Variants in KAZN observed in about 807,000 individuals in gnomAD.
KAZN encodes the protein kazrin, periplakin interacting protein, also known as kazrin.
A neutral mutation model predicts 87.4 loss-of-function variants in KAZN; 40 were observed. That is an observed-to-expected ratio of 0.46 (90% CI 0.36 to 0.60). The LOEUF (loss-of-function observed/expected upper bound fraction) is 0.60. KAZN is among the 20% of genes least tolerant of loss of function. The pLI is 0.00. For synonymous variants in KAZN, 466 were observed against 458.3 expected (o/e 1.02, Z -0.22); for missense variants, 898 against 1,073.9 (o/e 0.84, Z 2.29).
At chr1:14,423,764 A>G (rs1389603488) in intron 2 of KAZN, among the ~76,000 whole-genome samples, 3 of 152,226 alleles carry the variant, frequency 2.0e-5, no homozygotes, top group Non-Finnish European at 2.9e-5. Flanking sequence ...CACATGGACC[A>G]GTGACCCGGG....
intron 2 of KAZN, chr1:14,351,130 T>A (rs911861964): frequency 1.3e-5 from 2 of 152,248 alleles, no homozygotes; most frequent in Non-Finnish European, 2.9e-5. Flanking sequence ...CCTTTTCTTT[T>A]CCTGGCAGGT....
At chr1:15,047,171 G>C (rs1673647344) in intron 4 of KAZN, among the ~76,000 whole-genome samples, 2 of 152,224 alleles carry the variant, frequency 1.3e-5, no homozygotes, top group Non-Finnish European at 2.9e-5. Context: ...AGGGCTTGGA[G>C]GCAGAGAGAA....
chr1:14,445,111 C>T (rs1011770984), intron 2 of KAZN, among the ~76,000 whole-genome samples: 2 of 151,924 alleles, frequency 1.3e-5, no homozygotes, highest in Non-Finnish European at 2.9e-5. Context: ...CTACAACTTC[C>T]GCCTCCCGGG....
At chr1:14,975,891 G>T (rs938395961) in intron 2 of KAZN, among the ~76,000 whole-genome samples, 1 of 152,124 alleles carries the variant, frequency 6.6e-6, no homozygotes, top group Non-Finnish European at 1.5e-5. Context: ...AATTAACTGG[G>T]CGTAGTGGCG....
intron 2 of KAZN, among the ~76,000 whole-genome samples, chr1:15,000,296 G>A (rs1273015167): frequency 6.6e-6 from 1 of 151,836 alleles, no homozygotes; most frequent in African/African-American, 2.4e-5. Flanking sequence ...ATAGCCTCCG[G>A]TGGGAGCCTG....
intron 2 of KAZN, among the ~76,000 whole-genome samples, chr1:14,359,871 T>A (rs1158448800): frequency 1.3e-5 from 2 of 152,216 alleles, no homozygotes; most frequent in Non-Finnish European, 2.9e-5. Context: ...ACTTAACATT[T>A]TTTCCTTCAT....
In KAZN at chr1:14,563,248, A is replaced by C. The variant is rs904974344; in HGVS notation, c.250-35735A>C. Among the ~76,000 whole-genome samples the C allele has an allele frequency of 3.9e-5, 6 of 152,216 alleles. 1 individual carries two copies. The South Asian group carries it at 1.2e-3, about 32-fold the overall frequency. On this transcript the variant is annotated intron_variant, in intron 2 of 16. Transcript: ENST00000636203. ...TTTCTACCAAGTGCATTCAATCACC[A>C]GTAGCTCCTGGAGCTCTCCTTTGAC...
intron 2 of KAZN, chr1:14,222,945 A>C (rs1348405435): frequency 6.6e-6 from 1 of 152,182 alleles, no homozygotes; most frequent in Non-Finnish European, 1.5e-5. Flanking sequence ...CATCTTCATC[A>C]TCATTATTTT....
chr1:14,899,358 A>G (rs1309863667), intron 1 of KAZN, among the ~76,000 whole-genome samples: 3 of 152,184 alleles, frequency 2.0e-5, no homozygotes, highest in Non-Finnish European at 4.4e-5. Context: ...CTGACCTGAT[A>G]TAGGGTAAAA....
chr1:14,782,554 CAAAAAAAA>C (rs71572122), intron 1 of KAZN, among the ~76,000 whole-genome samples: 59 of 66,272 alleles, frequency 8.9e-4, no homozygotes, highest in African/African-American at 3.1e-3. Flanking sequence ...CCTCAAAGAG[CAAAAAAAA>C]AAAAAAAAAA....
At chr1:14,188,217 G>A (rs1398854411) in intron 2 of KAZN, among the ~76,000 whole-genome samples, 3 of 132,272 alleles carry the variant, frequency 2.3e-5, no homozygotes, top group Non-Finnish European at 5.0e-5. Flanking sequence ...GTGTGTGTGT[G>A]TGTGTGTGTG....
chr1:14,251,784 G>A (rs1650067410), intron 2 of KAZN, among the ~76,000 whole-genome samples: 1 of 151,328 alleles, frequency 6.6e-6, no homozygotes, highest in Admixed American at 6.6e-5. Context: ...GAGTAGCTGG[G>A]ACTACAGATG....
chr1:14,954,587 G>A lies in KAZN; in HGVS notation c.227-6097G>A, dbSNP rs144224390. Among the ~76,000 whole-genome samples the A allele has an allele frequency of 4.7e-3, 718 of 152,318 alleles. 5 individuals are homozygous for A. The highest frequency in any genetic ancestry group is 0.016 in the African/African-American group (666 of 41,558). On this transcript the variant is annotated intron_variant, in intron 1 of 14. Coordinates refer to ENST00000376030, the MANE Select transcript of KAZN (RefSeq NM_201628.3). The stretch of plus-strand genomic sequence containing the variant: ...TGGATCTGCACTGTCCGGTACCCTA[G>A]CTCCTAGCCACGTGGGTGCACGTGA...
chr1:14,673,255 T>C (rs1307503664), intron 1 of KAZN, among the ~76,000 whole-genome samples: 1 of 152,166 alleles, frequency 6.6e-6, no homozygotes, highest in Non-Finnish European at 1.5e-5. Flanking sequence ...TTCCAGTCCT[T>C]GACTGAAGGT....
intron 1 of KAZN, among the ~76,000 whole-genome samples, chr1:13,894,941 T>A (rs1638978492): frequency 6.6e-6 from 1 of 152,176 alleles, no homozygotes; most frequent in South Asian, 2.1e-4. Flanking sequence ...GACTGCTGGG[T>A]TGGGGTCCCA....
chr1:14,509,853 G>C (rs1039089932), intron 2 of KAZN, among the ~76,000 whole-genome samples: 1 of 152,176 alleles, frequency 6.6e-6, no homozygotes, highest in African/African-American at 2.4e-5. Flanking sequence ...ATCAGGAAAG[G>C]CCTTTCTGAG....
intron 2 of KAZN, among the ~76,000 whole-genome samples, chr1:14,480,192 A>C (rs1425502613): frequency 1.3e-5 from 2 of 152,192 alleles, no homozygotes; most frequent in African/African-American, 4.8e-5. Context: ...GCAGGCAGGC[A>C]CCTGCCATGG....
At chr1:14,206,762 T>C (rs142719535) in intron 2 of KAZN, among the ~76,000 whole-genome samples, 24 of 151,106 alleles carry the variant, frequency 1.6e-4, no homozygotes, top group Non-Finnish European at 2.7e-4. Flanking sequence ...TCCCATGCCA[T>C]TAAACATTCT....
rs143230028 is a variant in KAZN at position 14,035,189 on chromosome 1, T to C, written c.91+141433T>C. Reference sequence around the variant, plus strand: ...TAGGAAGGGCAGATAGGCAGATTAATCCACTACAATGTGACGGGGAGATCC... The same window carrying C: ...TAGGAAGGGCAGATAGGCAGATTAACCCACTACAATGTGACGGGGAGATCC... On this transcript the variant is annotated intron_variant, in intron 1 of 16. Transcript: ENST00000636203. Among the ~76,000 whole-genome samples the C allele has an allele frequency of 2.0e-3, 308 of 152,286 alleles. 1 individual carries two copies. The highest frequency in any genetic ancestry group is 6.8e-3 in the African/African-American group (283 of 41,566).
Sources: allele counts gnomAD v4.1 joint callset (sites outside exome capture counted in the v4.1 genomes callset), GRCh38; gene constraint gnomAD v4.1.1; transcripts MANE v1.5; gene names NCBI Gene and HGNC (gene_info 2026-07-23, HGNC 2026-07-21).